TBX21: variants seen among roughly 807,000 people sequenced by gnomAD.
TBX21 encodes T-box transcription factor 21.
TBX21 carries 11 observed loss-of-function variants against 52.2 expected under a neutral mutation model. That is an observed-to-expected ratio of 0.21 (90% CI 0.13 to 0.35). The LOEUF (loss-of-function observed/expected upper bound fraction) is 0.35, where lower values mean the gene tolerates loss of function less well. TBX21 is among the 10% of genes least tolerant of loss of function. The probability of loss-of-function intolerance (pLI) is 1.00; values close to 1 mark genes in which losing one functional copy is unlikely to be tolerated. For synonymous variants in TBX21, 300 were observed against 316.1 expected, an observed-to-expected ratio of 0.95 and a Z score of 0.54; for missense variants, 625 against 755.1, an observed-to-expected ratio of 0.83 and a Z score of 2.02.
In TBX21 at chr17:47,733,512, G is replaced by T; in HGVS notation, c.58G>T (p.Gly20Trp). ...GCTGACGGGCACCGAGCCGATGCCGGGGAGCGACGAGGGCCGGGCGCCTGG... is the reference window on the plus strand; with the variant it reads ...GCTGACGGGCACCGAGCCGATGCCGTGGAGCGACGAGGGCCGGGCGCCTGG... The part of the protein sequence containing the change: ...DMLTGTEPMP[G>W]SDEGRAPGAD... Residue 20 changes from glycine to tryptophan, a missense_variant, in exon 1 of 6, where the codon GGG becomes TGG. Transcript: ENST00000177694. The surrounding 1 kb of genome is among the most constrained non-coding windows in gnomAD (Gnocchi z 6.6). 1 of 1,494,558 alleles carries T rather than the reference G, an allele frequency of 6.7e-7. No homozygotes were observed. The highest frequency in any genetic ancestry group is 2.9e-5 in the East Asian group (1 of 34,250). The allele number at this position is 1,494,558 out of a possible 1,614,324, so 92.6% of individuals were successfully genotyped here.
intron 1 of TBX21, among the ~76,000 whole-genome samples, chr17:47,735,587 G>A (rs1258617580): frequency 6.6e-6 from 1 of 152,202 alleles, no homozygotes; most frequent in African/African-American, 2.4e-5. Flanking sequence ...GGCAGAGCTG[G>A]CACTACAGCC....
chr17:47,734,687 A>G (rs2032188639), intron 1 of TBX21, among the ~76,000 whole-genome samples: 1 of 150,700 alleles, frequency 6.6e-6, no homozygotes, highest in Non-Finnish European at 1.5e-5. Flanking sequence ...CCAGGCACAA[A>G]TGCCCACGGG....
chr17:47,733,532 G>T lies in TBX21; in HGVS notation c.78G>T (p.Ala26=), dbSNP rs1246324832. The T allele has an allele frequency of 1.3e-6, 2 of 1,492,002 alleles. No homozygotes were observed. Among genetic ancestry groups the T allele is most frequent in the Non-Finnish European group, 1.8e-6 (2 of 1,127,294 alleles). 92.4% of individuals were successfully genotyped at this position (1,492,002 alleles called of 1,614,324 possible). ...EPMPGSDEGR[A]PGADPQHRYF... is the part of the protein sequence containing the mutation. ...TGCCGGGGAGCGACGAGGGCCGGGC[G>T]CCTGGCGCCGACCCGCAGCACCGCT... The change falls in exon 1 of 6, where the codon GCG becomes GCT. Residue 26 remains alanine (A), a synonymous_variant. Transcript: ENST00000177694. This position sits in a 1 kb window ranked among gnomAD's most constrained non-coding sequence, Gnocchi z 6.6.
intron 1 of TBX21, among the ~76,000 whole-genome samples, chr17:47,740,375 G>A (rs1253082952): frequency 6.6e-6 from 1 of 151,958 alleles, no homozygotes; most frequent in African/African-American, 2.4e-5. Flanking sequence ...GCCATCTTTC[G>A]AACTTTTTAA....
intron 1 of TBX21, among the ~76,000 whole-genome samples, chr17:47,738,705 A>G (rs770452259): frequency 1.3e-5 from 2 of 151,740 alleles, no homozygotes; most frequent in Non-Finnish European, 2.9e-5. Context: ...GGTTCAAGCG[A>G]TTCTCCCACC....
At chr17:47,734,559 G>GTGTGTGTGTGTGTGTGTGTGTGTGTGTA (rs1491038744) in intron 1 of TBX21, among the ~76,000 whole-genome samples, 1 of 65,382 alleles carries the variant, frequency 1.5e-5, no homozygotes, top group African/African-American at 6.9e-5. Flanking sequence ...TGTCTGGTGT[G>GTGTGTGTGTGTGTGTGTGTGTGTGTGTA]TGTGTGTGTG....
At position 47,745,125 on chromosome 17, in the gene TBX21, T is replaced by C; in HGVS notation, c.1367T>C (p.Met456Thr). 6.2e-7 allele frequency: 1 copy of C among 1,614,154 alleles called. No individual in the cohort carries two copies. Among genetic ancestry groups the C allele is most frequent in the Non-Finnish European group, 8.5e-7 (1 of 1,180,014 alleles). The stretch of plus-strand genomic sequence containing the variant: ...TTCCGCCCTATGCGGACTCTGCCCA[T>C]GGAACCCGGCCCTGGAGGCTCAGAG... The part of the protein sequence containing the change: ...SWFRPMRTLP[M>T]EPGPGGSEGR... Residue 456 changes from methionine (M) to threonine (T), a missense_variant, in exon 6 of 6, where the codon ATG becomes ACG. Met to Thr is a moderately conservative substitution (Grantham distance 81). Coordinates refer to ENST00000177694, the MANE Select transcript of TBX21 (RefSeq NM_013351.2).
intron 1 of TBX21, among the ~76,000 whole-genome samples, chr17:47,740,073 A>G (rs72667004): frequency 0.044 from 6,689 of 151,672 alleles, 219 homozygotes; most frequent in South Asian, 0.18. Flanking sequence ...TTTATTTTTT[A>G]TTTTTTCTTT....
At chr17:47,743,990 G>T (rs750273539) in intron 3 of TBX21, among the ~76,000 whole-genome samples, 8 of 152,180 alleles carry the variant, frequency 5.3e-5, no homozygotes, top group Non-Finnish European at 1.0e-4. Flanking sequence ...AGAAGAGGGG[G>T]CAAGAGGCTA....
intron 1 of TBX21, among the ~76,000 whole-genome samples, chr17:47,735,134 A>G (rs2032194058): frequency 6.6e-6 from 1 of 151,900 alleles, no homozygotes; most frequent in Non-Finnish European, 1.5e-5. Flanking sequence ...AGAGGTGTGG[A>G]TACCAAACGT....
chr17:47,743,997 G>T (rs932513536), intron 3 of TBX21, among the ~76,000 whole-genome samples, 198 bp from the exon 4 acceptor site: 1 of 152,150 alleles, frequency 6.6e-6, no homozygotes, highest in African/African-American at 2.4e-5. Flanking sequence ...GGGGCAAGAG[G>T]CTAGAATTGG....
Position 47,744,359 on chromosome 17 carries a change from G to A in TBX21, c.927+6G>A. On this transcript the variant is annotated splice_donor_region_variant and intron_variant, in intron 4 of 5. Coordinates refer to ENST00000177694, the MANE Select transcript of TBX21 (RefSeq NM_013351.2). ...CTGCCTACCAGAATGCCGAGGTGAG[G>A]GCTGCCTGAGCCCCGGTGGGGAGGA... 1 of 1,614,234 alleles carries A rather than the reference G, an allele frequency of 6.2e-7. No homozygotes were observed.
rs12721470 is a variant in TBX21 at position 47,745,213 on chromosome 17, G to A, written c.1455G>A (p.Pro485=). ...LVWTEIAPIR[P]ESSDSGLGEG... is the part of the protein sequence containing the mutation. ...GGACTGAGATTGCCCCCATCCGGCC[G>A]GAATCCAGTGATTCAGGACTGGGCG... Residue 485 remains proline (P), a synonymous_variant, in exon 6 of 6, where the codon CCG becomes CCA. Transcript: ENST00000177694. 78,286 of 1,614,176 alleles carry A rather than the reference G, an allele frequency of 0.048. 3,042 individuals carry two copies. The highest frequency in any genetic ancestry group is 0.17 in the South Asian group (15,529 of 91,082).
chr17:47,734,068 A>G lies in TBX21; in HGVS notation c.491+123A>G. 4.0e-6 allele frequency: 6 copies of G among 1,496,060 alleles called. No homozygotes were observed. In the South Asian group the frequency reaches 5.9e-5, roughly 15 times the overall value. The allele number at this position is 1,496,060 out of a possible 1,614,324, so 92.7% of individuals were successfully genotyped here. ...TCCCTCACTGCTTTGGCTTCAGCGT[A>G]GGGAGACAGGGGAATGGGGTTGTTA... is the stretch of plus-strand genomic sequence containing the variant. On this transcript the variant is annotated intron_variant, in intron 1 of 5. Coordinates refer to ENST00000177694, the MANE Select transcript of TBX21 (RefSeq NM_013351.2).
Position 47,742,395 on chromosome 17 carries a change from AAT to A in TBX21, c.492-212_492-211del, listed in dbSNP as rs1198871120. Reference sequence around the variant, plus strand: ...CTGTGCCGGGCCTACTTTGACTGTTAATATGTCTTGAATTGCAAGTTTATATA... The same window carrying A: ...CTGTGCCGGGCCTACTTTGACTGTTAATGTCTTGAATTGCAAGTTTATATA... On this transcript the variant is annotated intron_variant, in intron 1 of 5. Transcript: ENST00000177694. This position sits in a 1 kb window ranked among gnomAD's most constrained non-coding sequence, Gnocchi z 4.4. 2.6e-5 allele frequency among the ~76,000 whole-genome samples: 4 copies of A among 152,064 alleles called. No homozygotes were observed. The highest frequency in any genetic ancestry group is 9.7e-5 in the African/African-American group (4 of 41,414).
chr17:47,738,318 C>T (rs149344685), intron 1 of TBX21, among the ~76,000 whole-genome samples: 15 of 152,056 alleles, frequency 9.9e-5, no homozygotes, highest in Middle Eastern at 3.4e-3. Context: ...TCACCATGTC[C>T]GGCTAATTGT....
chr17:47,733,633 G>C lies in TBX21; in HGVS notation c.179G>C (p.Gly60Ala). The C allele has an allele frequency of 2.1e-6, 3 of 1,449,616 alleles. No homozygotes were observed. In the South Asian group the frequency reaches 4.1e-5, roughly 20 times the overall value. The allele number at this position is 1,449,616 out of a possible 1,614,324, so 89.8% of individuals were successfully genotyped here. ...GGGSLGSPYP[G>A]GALVPAPPSR... is the part of the protein sequence containing the mutation. Reference sequence around the variant, plus strand: ...GGCAGCCTGGGGTCTCCCTACCCGGGGGGCGCCTTGGTGCCCGCCCCGCCG... The same window carrying C: ...GGCAGCCTGGGGTCTCCCTACCCGGCGGGCGCCTTGGTGCCCGCCCCGCCG... The change falls in exon 1 of 6, where the codon GGG (glycine) becomes GCG (alanine). Residue 60 changes from glycine to alanine, a missense_variant. Gly to Ala is a moderately conservative substitution (Grantham distance 60, BLOSUM62 0). This residue lies in a region of TBX21 where 221 missense variants were observed against 204.9 expected (regional missense o/e 1.08). Coordinates refer to ENST00000177694, the MANE Select transcript of TBX21 (RefSeq NM_013351.2). The surrounding 1 kb of genome is among the most constrained non-coding windows in gnomAD (Gnocchi z 6.6).
chr17:47,743,577 A>G (rs1314387549), intron 3 of TBX21, among the ~76,000 whole-genome samples: 1 of 152,102 alleles, frequency 6.6e-6, no homozygotes, highest in Non-Finnish European at 1.5e-5. Flanking sequence ...AGGTTGAACA[A>G]TCCTGTTAAA....
chr17:47,745,632 G>A lies in TBX21; in HGVS notation c.*266G>A. 1 of 383,686 alleles carries A rather than the reference G, an allele frequency of 2.6e-6. No homozygotes were observed. Among genetic ancestry groups the A allele is most frequent in the Admixed American group, 4.2e-5 (1 of 23,660 alleles). 23.8% of individuals were successfully genotyped at this position (383,686 alleles called of 1,614,324 possible). A position where few individuals can be genotyped will look rare whatever the true frequency, so the allele number is the denominator to read the frequency against. ...TACCTGGTGCTGCGTCTTGCTTTTG[G>A]TTTCCAGCTGGAGAAAAGAAGACAA... On this transcript the variant is annotated 3_prime_UTR_variant, in exon 6 of 6. Transcript: ENST00000177694.
Sources: allele counts gnomAD v4.1 joint callset (sites outside exome capture counted in the v4.1 genomes callset), GRCh38; gene constraint gnomAD v4.1.1; regional missense constraint gnomAD v4.1.1; non-coding constraint Gnocchi (gnomAD v3.1); transcripts MANE v1.5; gene names NCBI Gene and HGNC (gene_info 2026-07-23, HGNC 2026-07-21).